DGKI: variants seen among roughly 807,000 people sequenced by gnomAD.
DGKI encodes diacylglycerol kinase iota, also known as DAG kinase iota.
DGKI carries 55 observed loss-of-function variants against 147.5 expected under a neutral mutation model. The observed-to-expected ratio is 0.37, with a 90% confidence interval of 0.30 to 0.47. The LOEUF (loss-of-function observed/expected upper bound fraction) is 0.47. Ranked by LOEUF, DGKI falls within the 20% of genes least tolerant of loss-of-function variation. The pLI is 1.00. For missense variants in DGKI, 1,007 were observed against 1,323.8 expected (o/e 0.76, Z 3.71); for synonymous variants, 469 against 477.1 (o/e 0.98, Z 0.22).
intron 27 of DGKI, among the ~76,000 whole-genome samples, chr7:137,448,052 G>C (rs1305976444): frequency 6.6e-6 from 1 of 152,134 alleles, no homozygotes; most frequent in Non-Finnish European, 1.5e-5. Flanking sequence ...TAAAAATAGA[G>C]CTAAGTTTTA....
chr7:137,575,323 T>C (rs1818934664), intron 17 of DGKI, among the ~76,000 whole-genome samples: 2 of 152,246 alleles, frequency 1.3e-5, no homozygotes, highest in African/African-American at 4.8e-5. Context: ...TGCTGCCATT[T>C]TGGCCTCTCT....
At chr7:137,697,262 C>T (rs749033104) in intron 1 of DGKI, among the ~76,000 whole-genome samples, 5 of 152,144 alleles carry the variant, frequency 3.3e-5, no homozygotes, top group Non-Finnish European at 5.9e-5. Flanking sequence ...TTCTCTTTTC[C>T]AGTTGCCCCC....
At chr7:137,505,711 CAAA>C (rs34646057) in intron 21 of DGKI, among the ~76,000 whole-genome samples, 2 of 61,690 alleles carry the variant, frequency 3.2e-5, no homozygotes, top group Non-Finnish European at 3.7e-5. Flanking sequence ...ATAAGAGATG[CAAA>C]AAAAAAAAAA....
intron 20 of DGKI, among the ~76,000 whole-genome samples, chr7:137,533,384 A>T (rs1397382486): frequency 6.6e-6 from 1 of 152,178 alleles, no homozygotes; most frequent in Admixed American, 6.6e-5. Context: ...AATACTAAAA[A>T]GAAAACAATG....
At chr7:137,609,412 A>G in intron 9 of DGKI, 123 bp downstream of exon 9, 1 of 706,030 alleles carries the variant, frequency 1.4e-6, no homozygotes, top group Non-Finnish European at 2.4e-6. Flanking sequence ...GTTAGAGTGT[A>G]GTGAGGAGAA....
chr7:137,387,145 CT>C lies in DGKI; in HGVS notation c.*4074del, dbSNP rs1467269743. On this transcript the variant is annotated 3_prime_UTR_variant, in exon 33 of 33. Coordinates refer to ENST00000614521, the MANE Select transcript of DGKI (RefSeq NM_001321708.2). ...TAATTAAATATCACTAGGCAACCTA[CT>C]GAGTGTTAGTGTTACAAACAGCCTT... 1.3e-5 allele frequency: 2 copies of C among 152,160 alleles called. No individual in the cohort carries two copies. The highest frequency in any genetic ancestry group is 3.9e-4 in the East Asian group (2 of 5,192). 9.4% of individuals were successfully genotyped at this position (152,160 alleles called of 1,614,324 possible).
At chr7:137,568,592 T>G (rs1052398225) in intron 19 of DGKI, among the ~76,000 whole-genome samples, 3 of 152,200 alleles carry the variant, frequency 2.0e-5, no homozygotes, top group African/African-American at 7.2e-5. Flanking sequence ...GGGCAGTCGC[T>G]GTATTTATGT....
chr7:137,489,938 T>A (rs1011976742), intron 21 of DGKI, among the ~76,000 whole-genome samples: 17 of 152,150 alleles, frequency 1.1e-4, no homozygotes, highest in African/African-American at 4.1e-4. Flanking sequence ...AATTAGAGAT[T>A]GTATATTCAA....
intron 6 of DGKI, among the ~76,000 whole-genome samples, chr7:137,625,926 T>C (rs1443644299): frequency 1.3e-5 from 2 of 152,256 alleles, no homozygotes; most frequent in Admixed American, 6.5e-5. Context: ...TATGTGATTA[T>C]GTGAAAAGTG....
intron 21 of DGKI, among the ~76,000 whole-genome samples, chr7:137,496,628 A>G (rs1049196717): frequency 6.6e-6 from 1 of 152,156 alleles, no homozygotes; most frequent in African/African-American, 2.4e-5. Context: ...CAGAATAGAG[A>G]GTGCAGAAAT....
intron 28 of DGKI, among the ~76,000 whole-genome samples, chr7:137,426,878 A>G (rs1812831513): frequency 6.6e-6 from 1 of 152,130 alleles, no homozygotes; most frequent in South Asian, 2.1e-4. Context: ...CACCCAATAC[A>G]GGAGCACCCA....
chr7:137,502,737 A>G (rs985956273), intron 21 of DGKI, among the ~76,000 whole-genome samples: 1 of 152,160 alleles, frequency 6.6e-6, no homozygotes. Context: ...TACAACCACT[A>G]AAACGGAACA....
intron 23 of DGKI, among the ~76,000 whole-genome samples, chr7:137,471,341 G>C (rs1365875606): frequency 6.6e-6 from 1 of 152,144 alleles, no homozygotes; most frequent in Non-Finnish European, 1.5e-5. Flanking sequence ...CCGCAGGTGT[G>C]GATGATCTTG....
chr7:137,829,712 GGATAA>G lies in DGKI; in HGVS notation c.401+16745_401+16749del, dbSNP rs558826756. Among the ~76,000 whole-genome samples, 348 of 152,302 alleles carry G rather than the reference GGATAA, an allele frequency of 2.3e-3. 2 individuals are homozygous for G. The highest frequency in any genetic ancestry group is 3.4e-3 in the Admixed American group (52 of 15,298). ...TTAAAATAGGAAAATGCTGTCCTCT[GGATAA>G]GATAAGTAATTTTCTTGGCCACCAA... On this transcript the variant is annotated intron_variant, in intron 1 of 32. Coordinates refer to ENST00000614521, the MANE Select transcript of DGKI (RefSeq NM_001321708.2).
intron 28 of DGKI, among the ~76,000 whole-genome samples, chr7:137,424,011 C>T (rs558073137): frequency 2.0e-5 from 3 of 152,288 alleles, no homozygotes; most frequent in South Asian, 2.1e-4. Flanking sequence ...GCTATCCCTC[C>T]CCTAGACCCA....
intron 21 of DGKI, among the ~76,000 whole-genome samples, chr7:137,500,338 G>T (rs2128942090): frequency 6.6e-6 from 1 of 152,212 alleles, no homozygotes; most frequent in East Asian, 1.9e-4. Flanking sequence ...ACGTGTGCAT[G>T]CTCTGGATTT....
chr7:137,658,207 C>T (rs1046973515), intron 3 of DGKI, among the ~76,000 whole-genome samples: 1 of 152,048 alleles, frequency 6.6e-6, no homozygotes, highest in African/African-American at 2.4e-5. Flanking sequence ...AACAAGAAAA[C>T]ATACAGTAGT....
chr7:137,771,457 A>G (rs1796194962), intron 1 of DGKI: 1 of 152,222 alleles, frequency 6.6e-6, no homozygotes, highest in Non-Finnish European at 1.5e-5. Context: ...ACATTGCATC[A>G]TAGGTATTCC....
chr7:137,537,132 TG>T, intron 20 of DGKI, among the ~76,000 whole-genome samples: 1 of 152,250 alleles, frequency 6.6e-6, no homozygotes, highest in East Asian at 1.9e-4. Context: ...GTCAAGAAAC[TG>T]TGCACAGTCT....
Sources: gnomAD v4.1 joint callset for allele counts (sites outside exome capture counted in the v4.1 genomes callset) on GRCh38, gnomAD v4.1.1 for gene constraint, MANE v1.5 for transcripts, NCBI Gene and HGNC (gene_info 2026-07-23, HGNC 2026-07-21) for gene names.